Variants in APBB2 observed in about 807,000 individuals in gnomAD.
APBB2 encodes the protein amyloid beta precursor protein binding family B member 2.
APBB2 carries 38 observed loss-of-function variants against 82.5 expected under a neutral mutation model. That is an observed-to-expected ratio of 0.46 (90% CI 0.36 to 0.60). APBB2 has a LOEUF of 0.60. Among genes scored for constraint, APBB2 ranks in the 20% least tolerant of loss-of-function variants. The pLI, the probability that APBB2 is intolerant of heterozygous loss-of-function variation, is 0.00. For missense variants in APBB2, 772 were observed against 972.3 expected (o/e 0.79, Z 2.74); for synonymous variants, 341 against 368.2 (o/e 0.93, Z 0.85).
intron 17 of APBB2, among the ~76,000 whole-genome samples, chr4:40,816,815 A>G (rs748453019): frequency 2.6e-5 from 4 of 152,188 alleles, no homozygotes; most frequent in Non-Finnish European, 4.4e-5. Flanking sequence ...GAATGCCTGA[A>G]ATAGGCCTAG....
chr4:41,114,334 A>C (rs1321174372), intron 2 of APBB2, among the ~76,000 whole-genome samples: 1 of 152,198 alleles, frequency 6.6e-6, no homozygotes, highest in Admixed American at 6.5e-5. Flanking sequence ...AAATAATAAG[A>C]GTTATTTATG....
intron 6 of APBB2, among the ~76,000 whole-genome samples, chr4:40,951,493 C>T (rs960217456): frequency 3.2e-4 from 49 of 152,242 alleles, no homozygotes; most frequent in African/African-American, 1.1e-3. Context: ...TGCGAAGACG[C>T]GATACGGCTC....
chr4:40,813,107 G>A lies in APBB2; in HGVS notation c.*2985C>T, dbSNP rs1034285834. ...ATCTAGCTGCTTTTAAAAAATAAAA[G>A]GAACTTTAAGCATTTTGCCTTTTCT... On this transcript the variant is annotated 3_prime_UTR_variant, in exon 18 of 18. Transcript: ENST00000508593. 3.9e-5 allele frequency: 6 copies of A among 152,092 alleles called. No individual in the cohort carries two copies. Among genetic ancestry groups the A allele is most frequent in the African/African-American group, 1.2e-4 (5 of 41,414 alleles). 9.4% of individuals were successfully genotyped at this position (152,092 alleles called of 1,614,324 possible).
chr4:41,147,052 C>CA (rs141069148), intron 1 of APBB2, among the ~76,000 whole-genome samples: 4,773 of 152,284 alleles, frequency 0.031, 137 homozygotes, highest in African/African-American at 0.076. Flanking sequence ...AACACAATGT[C>CA]AGCAGTTTAT....
chr4:41,046,847 G>C (rs962995321), intron 4 of APBB2, among the ~76,000 whole-genome samples: 2 of 152,244 alleles, frequency 1.3e-5, no homozygotes, highest in African/African-American at 4.8e-5. Flanking sequence ...GGAAGGCTGA[G>C]GGGTAACACG....
intron 5 of APBB2, 197 bp from the exon 6 acceptor site, chr4:41,014,595 G>C (rs1475477508): frequency 3.6e-5 from 20 of 558,358 alleles, no homozygotes; most frequent in Non-Finnish European, 5.8e-5. Context: ...GGCTTAACGT[G>C]GATAACCAAA....
intron 3 of APBB2, among the ~76,000 whole-genome samples, chr4:41,079,347 T>C (rs530779723): frequency 1.4e-3 from 209 of 152,340 alleles, no homozygotes; most frequent in African/African-American, 4.8e-3. Context: ...AGAACCCTGA[T>C]TGATACATTG....
At chr4:41,173,650 T>C (rs1037629885) in intron 1 of APBB2, among the ~76,000 whole-genome samples, 2 of 152,214 alleles carry the variant, frequency 1.3e-5, no homozygotes, top group African/African-American at 4.8e-5. Context: ...TGTTAAGATA[T>C]GTTTAGATAC....
At chr4:40,888,753 T>C (rs1458271960) in intron 12 of APBB2, among the ~76,000 whole-genome samples, 1 of 151,956 alleles carries the variant, frequency 6.6e-6, no homozygotes, top group East Asian at 1.9e-4. Context: ...CGCACACATA[T>C]GTAGTGTCAC....
rs879357013 is a variant in APBB2, at chr4:41,107,010, C to CA, written c.-260-6261dup. ...ATAGCCAAAAGTGGGGCAGTTTGAA[C>CA]AAAAAAAAAAAGATGTTGACCAGGC... On this transcript the variant is annotated intron_variant, in intron 2 of 17. Coordinates refer to ENST00000508593, the MANE Select transcript of APBB2 (RefSeq NM_004307.2). 5.0e-4 allele frequency among the ~76,000 whole-genome samples: 71 copies of CA among 141,638 alleles called. 1 individual carries two copies. The highest frequency in any genetic ancestry group is 7.0e-3 in the Middle Eastern group (2 of 286). 92.9% of individuals were successfully genotyped at this position (141,638 alleles called of 152,430 possible). A position where few individuals can be genotyped will look rare whatever the true frequency, so the allele number is the denominator to read the frequency against.
At position 41,014,289 on chromosome 4, in the gene APBB2, G is replaced by T. The variant is rs1354769830; in HGVS notation, c.129C>A (p.Ser43=). The T allele has an allele frequency of 6.2e-7, 1 of 1,614,040 alleles. No homozygotes were observed. Among genetic ancestry groups the T allele is most frequent in the East Asian group, 2.2e-5 (1 of 44,892 alleles). Residue 43 remains serine, a synonymous_variant, in exon 6 of 18, where the codon TCC becomes TCA. Transcript: ENST00000508593. ...CAGCGTTCAACAGTTCATTGTGGGA[G>T]GATCGGAGGTTAAGGGTGTTTGGTG... ...ATPPNTLNLR[S]SHNELLNAEI...
At chr4:41,034,018 A>G (rs1330520479) in intron 4 of APBB2, among the ~76,000 whole-genome samples, 1 of 152,252 alleles carries the variant, frequency 6.6e-6, no homozygotes, top group Non-Finnish European at 1.5e-5. Context: ...GACACTGGAA[A>G]CAGGAAGTTT....
intron 12 of APBB2, among the ~76,000 whole-genome samples, chr4:40,845,745 G>A (rs1306727148): frequency 6.6e-6 from 1 of 152,034 alleles, no homozygotes; most frequent in African/African-American, 2.4e-5. Flanking sequence ...AGCACGCGAG[G>A]CAAGGACTTG....
chr4:41,065,978 C>T lies in APBB2; in HGVS notation c.-148-305G>A, dbSNP rs117151033. On this transcript the variant is annotated intron_variant, in intron 3 of 17. Transcript: ENST00000508593. ...TCAAAAGTCCAGGCAATCTCACCTG[C>T]GTTTCCCTGATGCTTTTCTATTCTT... Among the ~76,000 whole-genome samples the T allele has an allele frequency of 7.4e-3, 1,119 of 152,192 alleles. 31 individuals are homozygous for T. The highest frequency in any genetic ancestry group is 0.046 in the Admixed American group (699 of 15,286).
intron 1 of APBB2, among the ~76,000 whole-genome samples, chr4:41,160,462 C>T (rs1456512797): frequency 6.6e-6 from 1 of 152,176 alleles, no homozygotes; most frequent in African/African-American, 2.4e-5. Context: ...ACAGAGGAGA[C>T]TTCAGGGAGC....
intron 6 of APBB2, among the ~76,000 whole-genome samples, chr4:40,949,276 G>A (rs966023288): frequency 6.6e-6 from 1 of 152,084 alleles, no homozygotes; most frequent in Admixed American, 6.6e-5. Flanking sequence ...CAAAAAAGGC[G>A]GGGGGAGGGG....
chr4:40,912,282 C>T (rs1778768472), intron 10 of APBB2, among the ~76,000 whole-genome samples: 1 of 152,112 alleles, frequency 6.6e-6, no homozygotes, highest in South Asian at 2.1e-4. Flanking sequence ...CTAAGGCCTA[C>T]AAAGACAGCT....
intron 1 of APBB2, among the ~76,000 whole-genome samples, chr4:41,191,259 C>T (rs1774352506): frequency 6.6e-6 from 1 of 152,170 alleles, no homozygotes; most frequent in South Asian, 2.1e-4. Flanking sequence ...GCCTTCTCTC[C>T]CCCTTATTAA....
At chr4:41,000,053 GTATA>G (rs540316031) in intron 6 of APBB2, among the ~76,000 whole-genome samples, 10 of 119,844 alleles carry the variant, frequency 8.3e-5, no homozygotes, top group East Asian at 8.2e-4. Flanking sequence ...GTATGTATAT[GTATA>G]TATATGTGTG....
Sources: allele counts gnomAD v4.1 joint callset (sites outside exome capture counted in the v4.1 genomes callset), GRCh38; gene constraint gnomAD v4.1.1; transcripts MANE v1.5; gene names NCBI Gene and HGNC (gene_info 2026-07-23, HGNC 2026-07-21).